Variants in KALRN observed in about 807,000 individuals in gnomAD.
KALRN encodes the protein kalirin RhoGEF kinase, also known as kalirin.
A neutral mutation model predicts 353.7 loss-of-function variants in KALRN; 70 were observed. That is an observed-to-expected ratio of 0.20 (90% CI 0.16 to 0.24). The LOEUF is 0.24. Among genes scored for constraint, KALRN ranks in the 10% least tolerant of loss-of-function variants. The probability of loss-of-function intolerance (pLI) is 1.00; values close to 1 mark genes in which losing one functional copy is unlikely to be tolerated. For synonymous variants in KALRN, 1,391 were observed against 1,434.8 expected (o/e 0.97, Z 0.69); for missense variants, 2,791 against 3,756.7 (o/e 0.74, Z 6.72).
At chr3:124,461,270 A>G (rs890641846) in intron 23 of KALRN, among the ~76,000 whole-genome samples, 2 of 152,126 alleles carry the variant, frequency 1.3e-5, no homozygotes, top group African/African-American at 4.8e-5. Context: ...CACATTGTCT[A>G]TGGCTCCTTT....
chr3:124,533,470 CA>C (rs2068234223), intron 33 of KALRN, among the ~76,000 whole-genome samples: 1 of 152,004 alleles, frequency 6.6e-6, no homozygotes, highest in Non-Finnish European at 1.5e-5. Context: ...GGCAAAACCC[CA>C]TCTCTACTAA....
At chr3:124,548,026 G>A in intron 33 of KALRN, among the ~76,000 whole-genome samples, 1 of 152,122 alleles carries the variant, frequency 6.6e-6, no homozygotes, top group East Asian at 1.9e-4. Context: ...CTCCATCTAA[G>A]CACTGCCACA....
In KALRN at chr3:124,222,283, T is replaced by C. The variant is rs77361894; in HGVS notation, c.74-5707T>C. Among the ~76,000 whole-genome samples, 1,416 of 152,318 alleles carry C rather than the reference T, an allele frequency of 9.3e-3. 25 individuals are homozygous for C. The highest frequency in any genetic ancestry group is 0.032 in the African/African-American group (1,339 of 41,564). On this transcript the variant is annotated intron_variant, in intron 1 of 59. Transcript: ENST00000682506. Reference sequence around the variant, plus strand: ...CACCAAAAAGTAAGATGTGATCCACTCTTAATGCCCTGGAGGGGGAATTTA... The same window carrying C: ...CACCAAAAAGTAAGATGTGATCCACCCTTAATGCCCTGGAGGGGGAATTTA...
At chr3:124,184,307 G>A (rs1166506076) in intron 1 of KALRN, among the ~76,000 whole-genome samples, 1 of 152,214 alleles carries the variant, frequency 6.6e-6, no homozygotes, top group Non-Finnish European at 1.5e-5. Flanking sequence ...GTAAGGATGG[G>A]ATGAATTAAT....
chr3:124,478,941 T>A (rs772860012), intron 27 of KALRN, among the ~76,000 whole-genome samples: 2 of 152,206 alleles, frequency 1.3e-5, no homozygotes, highest in Non-Finnish European at 2.9e-5. Context: ...GTCTCTCTCT[T>A]CAAAATTCTT....
At chr3:124,576,383 G>A (rs1299283507) in intron 34 of KALRN, among the ~76,000 whole-genome samples, 1 of 152,098 alleles carries the variant, frequency 6.6e-6, no homozygotes, top group Non-Finnish European at 1.5e-5. Flanking sequence ...GACGGATCAT[G>A]CATCAGGGAC....
At chr3:124,627,411 G>A (rs2080079323) in intron 34 of KALRN, among the ~76,000 whole-genome samples, 1 of 152,212 alleles carries the variant, frequency 6.6e-6, no homozygotes, top group South Asian at 2.1e-4. Context: ...AAGCAAAGAA[G>A]CAGAAGTAAA....
At chr3:124,405,237 G>A (rs1247231383) in intron 13 of KALRN, among the ~76,000 whole-genome samples, 2 of 152,098 alleles carry the variant, frequency 1.3e-5, no homozygotes, top group African/African-American at 4.8e-5. Context: ...ATTCTGGCAG[G>A]TCACCTGTTT....
intron 49 of KALRN, 24 bp downstream of exon 49, chr3:124,674,638 G>A (rs189508706): frequency 2.4e-5 from 37 of 1,548,142 alleles, no homozygotes; most frequent in African/African-American, 1.1e-4. Flanking sequence ...TGGCTTCCCC[G>A]GGAGAGGAGT....
intron 21 of KALRN, among the ~76,000 whole-genome samples, chr3:124,451,635 C>T (rs3772759): frequency 0.15 from 23,488 of 151,970 alleles, 2,379 homozygotes; most frequent in East Asian, 0.51. Context: ...TGTATGGCCA[C>T]GTGTGGAAAT....
At chr3:124,502,587 A>G (rs1464674816) in intron 33 of KALRN, among the ~76,000 whole-genome samples, 1 of 152,196 alleles carries the variant, frequency 6.6e-6, no homozygotes, top group African/African-American at 2.4e-5. Flanking sequence ...TGGTCCTTTA[A>G]TCACTTCATA....
chr3:124,549,677 G>A (rs1460189712), intron 33 of KALRN, among the ~76,000 whole-genome samples: 1 of 152,084 alleles, frequency 6.6e-6, no homozygotes, highest in African/African-American at 2.4e-5. Context: ...GTTAAAATGT[G>A]TAAGATGAAC....
chr3:124,506,833 A>C (rs974390449), intron 33 of KALRN, among the ~76,000 whole-genome samples: 1 of 152,250 alleles, frequency 6.6e-6, no homozygotes, highest in Non-Finnish European at 1.5e-5. Context: ...AATGAGCAAT[A>C]GAAGATATTA....
rs1480381407 is a variant in KALRN, at chr3:124,720,505, C to T, written c.*1035C>T. On this transcript the variant is annotated 3_prime_UTR_variant, in exon 60 of 60. Transcript: ENST00000682506. ...TTCAGAAAGTTGGCTGGCTTTATTT[C>T]TAACTCCTTATTGAAGCTAAGGGGT... The T allele has an allele frequency of 6.6e-6, 1 of 152,638 alleles. No individual in the cohort carries two copies. The highest frequency in any genetic ancestry group is 1.5e-5 in the Non-Finnish European group (1 of 68,050). 9.5% of individuals were successfully genotyped at this position (152,638 alleles called of 1,614,324 possible). A position where few individuals can be genotyped will look rare whatever the true frequency, so the allele number is the denominator to read the frequency against.
intron 3 of KALRN, among the ~76,000 whole-genome samples, chr3:124,255,662 T>A (rs2071853689): frequency 6.6e-6 from 1 of 152,204 alleles, no homozygotes; most frequent in Non-Finnish European, 1.5e-5. Context: ...ACAATAGCCA[T>A]GACAGTTGCC....
intron 1 of KALRN, among the ~76,000 whole-genome samples, chr3:124,117,320 G>GTT (rs573014538): frequency 1.7e-4 from 24 of 143,834 alleles, no homozygotes; most frequent in African/African-American, 5.1e-4. Context: ...GAAAAACAGT[G>GTT]TTTTTTTTTT....
chr3:124,163,871 C>T, intron 1 of KALRN: 1 of 985,438 alleles, frequency 1.0e-6, no homozygotes, highest in Non-Finnish European at 1.2e-6. Context: ...CATGACCAAG[C>T]CTTGGCCAAG....
chr3:124,589,516 C>T (rs2651619), intron 34 of KALRN, among the ~76,000 whole-genome samples: 19,939 of 152,042 alleles, frequency 0.13, 2,992 homozygotes, highest in East Asian at 0.43. Context: ...TCGGTTGAGC[C>T]CATGAATTCA....
intron 34 of KALRN, among the ~76,000 whole-genome samples, chr3:124,608,343 T>G (rs973062112): frequency 3.3e-5 from 5 of 152,134 alleles, no homozygotes; most frequent in African/African-American, 1.2e-4. Flanking sequence ...TTTAAATGTT[T>G]ATTACAAATT....
Sources: gnomAD v4.1 joint callset for allele counts (sites outside exome capture counted in the v4.1 genomes callset) on GRCh38, gnomAD v4.1.1 for gene constraint, MANE v1.5 for transcripts, NCBI Gene and HGNC (gene_info 2026-07-23, HGNC 2026-07-21) for gene names.